Variants in PCDHGA2 observed in about 807,000 individuals in gnomAD.
The protein encoded by PCDHGA2 is protocadherin gamma subfamily A, 2, also known as protocadherin gamma-A2.
Under a neutral mutation model 59.2 loss-of-function variants are expected in PCDHGA2, and 40 were observed. The ratio of observed to expected loss-of-function variants is 0.68; its 90% CI spans 0.52 to 0.88. PCDHGA2 has a LOEUF of 0.88. Among genes scored for constraint, PCDHGA2 ranks in the 40% least tolerant of loss-of-function variants. The pLI is 0.00. For missense variants in PCDHGA2, 1,226 were observed against 1,204.0 expected (o/e 1.02, Z -0.27); for synonymous variants, 560 against 526.0 (o/e 1.06, Z -0.89).
intron 1 of PCDHGA2, chr5:141,421,090 G>C (rs552694052): frequency 1.5e-6 from 1 of 661,192 alleles, no homozygotes; most frequent in Admixed American, 3.2e-5. Context: ...CACAGATCCT[G>C]ACACTGGAGA....
intron 1 of PCDHGA2, chr5:141,398,750 A>G (rs144881560): frequency 1.1e-5 from 17 of 1,613,502 alleles, no homozygotes; most frequent in Middle Eastern, 1.6e-4. Flanking sequence ...CAGAGTTACC[A>G]TCGTTTAGTC....
At chr5:141,478,567 C>A in intron 1 of PCDHGA2, 1 of 1,593,812 alleles carries the variant, frequency 6.3e-7, no homozygotes, top group Non-Finnish European at 8.6e-7. Flanking sequence ...GCAAGTCATG[C>A]TTGACCCTGT....
intron 1 of PCDHGA2, among the ~76,000 whole-genome samples, chr5:141,425,471 T>A (rs2096877403): frequency 6.6e-6 from 1 of 152,218 alleles, no homozygotes; most frequent in African/African-American, 2.4e-5. Flanking sequence ...TGTTATTAAT[T>A]CCTATGGCAA....
intron 1 of PCDHGA2, chr5:141,421,221 G>A (rs746753262): frequency 6.3e-7 from 1 of 1,576,508 alleles, no homozygotes; most frequent in Non-Finnish European, 8.6e-7. Context: ...TCGGCTTAGA[G>A]CCTGCCATGG....
intron 1 of PCDHGA2, chr5:141,398,701 C>G (rs757215015): frequency 6.2e-7 from 1 of 1,613,658 alleles, no homozygotes; most frequent in African/African-American, 1.3e-5. Flanking sequence ...TAGTAAATAC[C>G]CGGAACTGGC....
intron 1 of PCDHGA2, chr5:141,421,800 G>A: frequency 6.2e-7 from 1 of 1,613,846 alleles, no homozygotes; most frequent in Non-Finnish European, 8.5e-7. Context: ...ATGGGGCCAA[G>A]AATCCAGAGC....
Position 141,487,820 on chromosome 5 carries a change from G to A in PCDHGA2, c.2425-6987G>A, listed in dbSNP as rs1024593393. 8 of 1,293,652 alleles carry A rather than the reference G, an allele frequency of 6.2e-6. No individual in the cohort carries two copies. The highest frequency in any genetic ancestry group is 3.7e-4 in the Middle Eastern group (2 of 5,382). 80.1% of individuals were successfully genotyped at this position (1,293,652 alleles called of 1,614,324 possible). A position where few individuals can be genotyped will look rare whatever the true frequency, so the allele number is the denominator to read the frequency against. On this transcript the variant is annotated intron_variant, in intron 1 of 3. Transcript: ENST00000394576. This position sits in a 1 kb window ranked among gnomAD's most constrained non-coding sequence, Gnocchi z 5.0. ...GTTGTCACAGTTTAGCATTGGGGGC[G>A]GGTCATGCCTATATCTGAGTAAGAA...
At chr5:141,453,475 A>C (rs2098766452) in intron 1 of PCDHGA2, among the ~76,000 whole-genome samples, 1 of 151,996 alleles carries the variant, frequency 6.6e-6, no homozygotes, top group Non-Finnish European at 1.5e-5. Context: ...ATAAAGTCAA[A>C]ACTATTAAAA....
At chr5:141,343,268 A>G in intron 1 of PCDHGA2, 1 of 960,180 alleles carries the variant, frequency 1.0e-6, no homozygotes, top group Non-Finnish European at 1.2e-6. Context: ...CAGGTCACCA[A>G]GAACAAACTT....
chr5:141,450,828 TA>T lies in PCDHGA2; in HGVS notation c.2425-43978del, dbSNP rs1427656987. Among the ~76,000 whole-genome samples the T allele has an allele frequency of 7.8e-4, 110 of 141,058 alleles. 1 individual carries two copies. The highest frequency in any genetic ancestry group is 1.8e-3 in the African/African-American group (65 of 36,868). The allele number at this position is 141,058 out of a possible 152,430, so 92.5% of individuals were successfully genotyped here. A position where few individuals can be genotyped will look rare whatever the true frequency, so the allele number is the denominator to read the frequency against. ...TTTATTTATTTAATATTATTATTAT[TA>T]TTTTTTTTTTTTTGAGATGGGGTCT... On this transcript the variant is annotated intron_variant, in intron 1 of 3. Transcript: ENST00000394576.
chr5:141,381,844 T>TTTTTTTTC, intron 1 of PCDHGA2, among the ~76,000 whole-genome samples: 1 of 145,182 alleles, frequency 6.9e-6, no homozygotes. Context: ...TTTTTTTTTT[T>TTTTTTTTC]TTTTGGCAGA....
rs769461165 is a variant in PCDHGA2, at chr5:141,491,293, C to G, written c.2425-3514C>G. 2 of 1,614,048 alleles carry G rather than the reference C, an allele frequency of 1.2e-6. No individual in the cohort carries two copies. Among genetic ancestry groups the G allele is most frequent in the Admixed American group, 3.3e-5 (2 of 60,008 alleles). ...ATCCAGTGACTTCCTCATACACCCT[C>G]CTGAGCGTTCAGACCTTACCCTTTA... On this transcript the variant is annotated intron_variant, in intron 1 of 3. Coordinates refer to ENST00000394576, the MANE Select transcript of PCDHGA2 (RefSeq NM_018915.4). This position sits in a 1 kb window ranked among gnomAD's most constrained non-coding sequence, Gnocchi z 6.9.
chr5:141,347,084 CTCCT>C (rs140860697), intron 1 of PCDHGA2, among the ~76,000 whole-genome samples: 2,378 of 135,730 alleles, frequency 0.018, 72 homozygotes, highest in African/African-American at 0.063. Context: ...TCTCTCTTTC[CTCCT>C]TCCTTCCTTC....
intron 1 of PCDHGA2, chr5:141,424,304 C>T (rs909355692): frequency 2.0e-5 from 3 of 152,464 alleles, no homozygotes; most frequent in Admixed American, 2.0e-4. Flanking sequence ...CCTATCAACA[C>T]AGACATATTG....
Position 141,490,703 on chromosome 5 carries a change from G to GCCT in PCDHGA2, c.2425-4102_2425-4100dup. 6.2e-7 allele frequency: 1 copy of GCCT among 1,614,110 alleles called. No individual in the cohort carries two copies. The highest frequency in any genetic ancestry group is 8.5e-7 in the Non-Finnish European group (1 of 1,180,000). Reference sequence around the variant, plus strand: ...GATCCAGACACTGGGGATAATGCCCGCCTCACCTACTCCATTGTAGGAAAT... The same window carrying GCCT: ...GATCCAGACACTGGGGATAATGCCCGCCTCCTCACCTACTCCATTGTAGGAAAT... On this transcript the variant is annotated intron_variant, in intron 1 of 3. Transcript: ENST00000394576. This position sits in a 1 kb window ranked among gnomAD's most constrained non-coding sequence, Gnocchi z 5.4.
At position 141,409,469 on chromosome 5, in the gene PCDHGA2, G is replaced by A. The variant is rs1477896340; in HGVS notation, c.2424+68074G>A. On this transcript the variant is annotated intron_variant, in intron 1 of 3. Coordinates refer to ENST00000394576, the MANE Select transcript of PCDHGA2 (RefSeq NM_018915.4). ...GACACCAGAATACAATGTCACCATC[G>A]TAGCCACTGACAGGGGCAAGCCGCC... 9 of 1,613,740 alleles carry A rather than the reference G, an allele frequency of 5.6e-6. No individual in the cohort carries two copies. The African/African-American group carries it at 1.1e-4, about 19-fold the overall frequency.
chr5:141,485,226 T>C lies in PCDHGA2; in HGVS notation c.2425-9581T>C. ...GAAATCTGGCGGTGGGCTACCCTTT[T>C]GTTCCTCTTTTACCACCTGGGTTAC... On this transcript the variant is annotated intron_variant, in intron 1 of 3. Transcript: ENST00000394576. The surrounding 1 kb of genome is among the most constrained non-coding windows in gnomAD (Gnocchi z 5.7). 1.9e-6 allele frequency: 3 copies of C among 1,614,170 alleles called. No homozygotes were observed. Among genetic ancestry groups the C allele is most frequent in the Non-Finnish European group, 2.5e-6 (3 of 1,180,026 alleles).
chr5:141,432,681 G>A lies in PCDHGA2; in HGVS notation c.2425-62126G>A, dbSNP rs147073234. 2.4e-3 allele frequency: 3,845 copies of A among 1,613,930 alleles called. 12 individuals carry two copies. Among genetic ancestry groups the A allele is most frequent in the Admixed American group, 6.0e-3 (358 of 60,016 alleles). On this transcript the variant is annotated intron_variant, in intron 1 of 3. Coordinates refer to ENST00000394576, the MANE Select transcript of PCDHGA2 (RefSeq NM_018915.4). This position sits in a 1 kb window ranked among gnomAD's most constrained non-coding sequence, Gnocchi z 6.0. Reference sequence around the variant, plus strand: ...CTGGACAGAGACGCGCTCAAGCAGAGCCTCGTAGTGGCCGTCCAGGACCAC... The same window carrying A: ...CTGGACAGAGACGCGCTCAAGCAGAACCTCGTAGTGGCCGTCCAGGACCAC...
Position 141,344,574 on chromosome 5 carries a change from G to A in PCDHGA2, c.2424+3179G>A, listed in dbSNP as rs866197443. 6.2e-7 allele frequency: 1 copy of A among 1,613,972 alleles called. No homozygotes were observed. Among genetic ancestry groups the A allele is most frequent in the African/African-American group, 1.3e-5 (1 of 75,042 alleles). Reference sequence around the variant, plus strand: ...TAGCCCCAATGACTACTTCTCTCTGGCTGTGAATAGCGTCTCTGAGGGGGC... The same window carrying A: ...TAGCCCCAATGACTACTTCTCTCTGACTGTGAATAGCGTCTCTGAGGGGGC... On this transcript the variant is annotated intron_variant, in intron 1 of 3. Transcript: ENST00000394576.
Sources: gnomAD v4.1 joint callset for allele counts (sites outside exome capture counted in the v4.1 genomes callset) on GRCh38, gnomAD v4.1.1 for gene constraint, Gnocchi (gnomAD v3.1) non-coding constraint, MANE v1.5 for transcripts, NCBI Gene and HGNC (gene_info 2026-07-23, HGNC 2026-07-21) for gene names.